Variants in KCNIP1 observed in about 807,000 individuals in gnomAD.
The protein encoded by KCNIP1 is A-type potassium channel modulatory protein KCNIP1.
Under a neutral mutation model 33.0 loss-of-function variants are expected in KCNIP1, and 18 were observed. That is an observed-to-expected ratio of 0.55 (90% CI 0.38 to 0.81). KCNIP1 has a LOEUF of 0.81. Ranked by LOEUF, KCNIP1 falls within the 30% of genes least tolerant of loss-of-function variation. The pLI, the probability that KCNIP1 is intolerant of heterozygous loss-of-function variation, is 0.00. For synonymous variants in KCNIP1, 93 were observed against 98.3 expected (o/e 0.95, Z 0.32); for missense variants, 238 against 271.6 (o/e 0.88, Z 0.87).
chr5:170,616,743 T>G (rs1759389480), intron 1 of KCNIP1, among the ~76,000 whole-genome samples: 1 of 152,170 alleles, frequency 6.6e-6, no homozygotes, highest in African/African-American at 2.4e-5. Flanking sequence ...TTCATCCAGT[T>G]TCTTAAACCT....
At chr5:170,560,560 CG>C (rs1311213694) in intron 1 of KCNIP1, among the ~76,000 whole-genome samples, 1 of 152,016 alleles carries the variant, frequency 6.6e-6, no homozygotes, top group Non-Finnish European at 1.5e-5. Context: ...GTTGTGCCCC[CG>C]GGGATCAGGG....
rs905119864 is a variant in KCNIP1, at chr5:170,471,259, T to C, written c.88+117295T>C. Among the ~76,000 whole-genome samples, 5 of 152,088 alleles carry C rather than the reference T, an allele frequency of 3.3e-5. No individual in the cohort carries two copies. The East Asian group carries it at 9.6e-4, about 29-fold the overall frequency. ...CTCTAGAATCTGTATGGGGTGGAAG[T>C]GTTCATTCATTTTCTGTACAAAAGC... On this transcript the variant is annotated intron_variant, in intron 1 of 7. Transcript: ENST00000377360.
At chr5:170,477,101 G>A (rs1032053361) in intron 1 of KCNIP1, among the ~76,000 whole-genome samples, 2 of 152,162 alleles carry the variant, frequency 1.3e-5, no homozygotes, top group East Asian at 3.8e-4. Context: ...CAATTTTACT[G>A]TGAACCTAAG....
At position 170,400,266 on chromosome 5, in the gene KCNIP1, C is replaced by G. The variant is rs574260124; in HGVS notation, c.88+46302C>G. 5.9e-5 allele frequency among the ~76,000 whole-genome samples: 9 copies of G among 152,276 alleles called. No individual in the cohort carries two copies. The South Asian group carries it at 1.9e-3, about 32-fold the overall frequency. On this transcript the variant is annotated intron_variant, in intron 1 of 7. Coordinates refer to the KCNIP1 transcript ENST00000377360. ...CCAGAGGTTTAATTGACTCACAGTT[C>G]TGCATGGCTAGGGAGGCCTCAGGAA...
intron 1 of KCNIP1, chr5:170,681,035 C>G (rs1036393087): frequency 1.0e-5 from 4 of 399,348 alleles, no homozygotes; most frequent in Admixed American, 4.4e-5. Flanking sequence ...GAATGACCGC[C>G]TAGCGCTTGC....
chr5:170,490,263 A>G (rs1252476541), intron 1 of KCNIP1, among the ~76,000 whole-genome samples: 1 of 152,118 alleles, frequency 6.6e-6, no homozygotes. Context: ...GGGACATCCA[A>G]AGTTGGATAG....
chr5:170,723,924 AG>A (rs1763920456), intron 5 of KCNIP1, among the ~76,000 whole-genome samples: 1 of 152,194 alleles, frequency 6.6e-6, no homozygotes, highest in African/African-American at 2.4e-5. Context: ...AAAAACAGAA[AG>A]GCTTCAGATG....
intron 1 of KCNIP1, among the ~76,000 whole-genome samples, chr5:170,560,038 G>T (rs1756979792): frequency 6.6e-6 from 1 of 152,308 alleles, no homozygotes; most frequent in East Asian, 1.9e-4. Context: ...GGGATTCATA[G>T]ATGATGTTCA....
intron 1 of KCNIP1, among the ~76,000 whole-genome samples, chr5:170,536,329 T>TG (rs1213582789): frequency 6.6e-6 from 1 of 152,198 alleles, no homozygotes; most frequent in East Asian, 1.9e-4. Context: ...TGCATGACCT[T>TG]GCTTTCCCTG....
At chr5:170,457,700 C>T (rs150042827) in intron 1 of KCNIP1, among the ~76,000 whole-genome samples, 10 of 152,156 alleles carry the variant, frequency 6.6e-5, no homozygotes, top group Middle Eastern at 3.2e-3. Flanking sequence ...ACAACAGCCT[C>T]GAGCCCTAGG....
intron 1 of KCNIP1, among the ~76,000 whole-genome samples, chr5:170,393,468 C>T (rs62392742): frequency 0.12 from 18,010 of 152,228 alleles, 1,361 homozygotes; most frequent in Non-Finnish European, 0.17. Context: ...ACTTGCTATG[C>T]AGAGGCTCTG....
chr5:170,436,214 C>T (rs1389343891), intron 1 of KCNIP1, among the ~76,000 whole-genome samples: 1 of 152,186 alleles, frequency 6.6e-6, no homozygotes, highest in African/African-American at 2.4e-5. Context: ...AATGAAGGCC[C>T]ATGATGGGGA....
At chr5:170,606,436 G>A (rs993950917) in intron 1 of KCNIP1, among the ~76,000 whole-genome samples, 1 of 152,140 alleles carries the variant, frequency 6.6e-6, no homozygotes, top group Non-Finnish European at 1.5e-5. Context: ...CAGTGGGTGT[G>A]AGGCTCTTTT....
rs1763798689 is a variant in KCNIP1, at chr5:170,369,920, G to A, written c.88+15956G>A. ...ATGAAGTGGACTCTCAAGGAAGCTG[G>A]TCCTTCAACCATTGGAATGGTTCAG... On this transcript the variant is annotated intron_variant, in intron 1 of 7. Coordinates refer to the KCNIP1 transcript ENST00000377360. Among the ~76,000 whole-genome samples the A allele has an allele frequency of 2.6e-5, 4 of 152,200 alleles. No individual in the cohort carries two copies. The South Asian group carries it at 8.3e-4, about 32-fold the overall frequency.
chr5:170,457,409 C>G (rs781117147), intron 1 of KCNIP1, among the ~76,000 whole-genome samples: 3 of 152,210 alleles, frequency 2.0e-5, no homozygotes, highest in African/African-American at 7.2e-5. Context: ...CCAAGAGAAC[C>G]CACAGACCCT....
intron 1 of KCNIP1, among the ~76,000 whole-genome samples, chr5:170,520,475 G>A (rs1272614951): frequency 2.0e-5 from 3 of 152,204 alleles, no homozygotes; most frequent in Admixed American, 1.3e-4. Context: ...TCCCAGTTCT[G>A]ACTGCCAGCT....
chr5:170,460,060 A>G (rs4041734), intron 1 of KCNIP1, among the ~76,000 whole-genome samples: 2,713 of 152,306 alleles, frequency 0.018, 98 homozygotes, highest in Admixed American at 0.093. Flanking sequence ...TACTCTGAAC[A>G]CCTTTATGTG....
intron 1 of KCNIP1, among the ~76,000 whole-genome samples, chr5:170,589,794 T>TGCGGTGCAGTGCG (rs1554103000): frequency 8.8e-6 from 1 of 113,164 alleles, no homozygotes; most frequent in Non-Finnish European, 1.9e-5. Context: ...TGTGATGTGG[T>TGCGGTGCAGTGCG]GTGCGGTGCG....
chr5:170,690,668 G>A (rs752277808), intron 1 of KCNIP1, among the ~76,000 whole-genome samples: 2 of 152,242 alleles, frequency 1.3e-5, no homozygotes, highest in African/African-American at 2.4e-5. Flanking sequence ...GCATTCAGTA[G>A]ACATAGACTA....
Sources: gnomAD v4.1 joint callset for allele counts (sites outside exome capture counted in the v4.1 genomes callset) on GRCh38, gnomAD v4.1.1 for gene constraint, MANE v1.5 for transcripts, NCBI Gene and HGNC (gene_info 2026-07-23, HGNC 2026-07-21) for gene names.